GRM3: variants seen among roughly 807,000 people sequenced by gnomAD.
The protein encoded by GRM3 is metabotropic glutamate receptor 3.
GRM3 carries 26 observed loss-of-function variants against 70.5 expected under a neutral mutation model. That is an observed-to-expected ratio of 0.37 (90% confidence interval 0.27 to 0.51). The LOEUF (loss-of-function observed/expected upper bound fraction) is 0.51, where lower values mean the gene tolerates loss of function less well. Ranked by LOEUF, GRM3 falls within the 20% of genes least tolerant of loss-of-function variation. GRM3 has a pLI of 0.93. For synonymous variants in GRM3, 443 were observed against 434.9 expected (o/e 1.02, Z -0.23); for missense variants, 859 against 1,123.8 (o/e 0.76, Z 3.37).
At chr7:86,800,459 CGCCACTGATCCCACAGAAATACAA>C (rs1272972691) in intron 3 of GRM3, among the ~76,000 whole-genome samples, 1 of 152,086 alleles carries the variant, frequency 6.6e-6, no homozygotes, top group African/African-American at 2.4e-5. Context: ...AAAGGGATAT[CGCCACTGATCCCACAGAAATACAA>C]GCAACCATCA....
intron 1 of GRM3, among the ~76,000 whole-genome samples, chr7:86,693,801 A>G (rs974242955): frequency 1.3e-5 from 2 of 152,224 alleles, no homozygotes; most frequent in African/African-American, 4.8e-5. Context: ...TCTTTACAGA[A>G]TACTGTGTTA....
intron 2 of GRM3, among the ~76,000 whole-genome samples, chr7:86,777,022 C>T (rs1713618418): frequency 6.6e-6 from 1 of 152,090 alleles, no homozygotes; most frequent in Non-Finnish European, 1.5e-5. Context: ...CTTGTAAGTA[C>T]CTGCTAAATC....
intron 1 of GRM3, among the ~76,000 whole-genome samples, chr7:86,715,961 G>A (rs577654251): frequency 2.0e-5 from 3 of 152,098 alleles, no homozygotes; most frequent in Admixed American, 2.0e-4. Context: ...TTCATCTTTA[G>A]GAAAGAACTC....
At chr7:86,718,289 C>T (rs1486141064) in intron 1 of GRM3, among the ~76,000 whole-genome samples, 1 of 151,838 alleles carries the variant, frequency 6.6e-6, no homozygotes, top group African/African-American at 2.4e-5. Context: ...CTAGCCACCA[C>T]CTAAGATTTG....
At chr7:86,690,280 G>A (rs1018013821) in intron 1 of GRM3, among the ~76,000 whole-genome samples, 1 of 152,144 alleles carries the variant, frequency 6.6e-6, no homozygotes, top group Non-Finnish European at 1.5e-5. Flanking sequence ...AAAAGGAGTG[G>A]AACAGATGAA....
Position 86,786,842 on chromosome 7 carries a change from G to A in GRM3, c.1050G>A (p.Trp350Ter). The change falls in exon 3 of 6, where the codon TGG becomes TGA. Residue 350 changes from tryptophan to a stop codon, truncating the protein, a stop_gained. Coordinates refer to ENST00000361669, the MANE Select transcript of GRM3 (RefSeq NM_000840.3). LOFTEE classifies it high-confidence loss of function. The surrounding 1 kb of genome is among the most constrained non-coding windows in gnomAD (Gnocchi z 6.0). ...CCTACAACAACCACCGCAACCCCTG[G>A]TTCCGGGACTTCTGGGAGCAAAAGT... The part of the protein sequence containing the change: ...LNPYNNHRNP[W>*]FRDFWEQKFQ... The A allele has an allele frequency of 6.2e-7, 1 of 1,614,188 alleles. No homozygotes were observed. Among genetic ancestry groups the A allele is most frequent in the Non-Finnish European group, 8.5e-7 (1 of 1,180,034 alleles).
At chr7:86,690,365 GA>G (rs1794669330) in intron 1 of GRM3, among the ~76,000 whole-genome samples, 1 of 152,132 alleles carries the variant, frequency 6.6e-6, no homozygotes, top group South Asian at 2.1e-4. Context: ...GATGGCAGTT[GA>G]AATGTTCTAA....
At chr7:86,828,707 G>C (rs967911660) in intron 3 of GRM3, among the ~76,000 whole-genome samples, 1 of 152,126 alleles carries the variant, frequency 6.6e-6, no homozygotes, top group Non-Finnish European at 1.5e-5. Context: ...GACTGATTAG[G>C]GTGGTGGTTG....
At position 86,839,488 on chromosome 7, in the gene GRM3, C is replaced by G. The variant is rs765346337; in HGVS notation, c.1974C>G (p.Ala658=). 1.9e-6 allele frequency: 3 copies of G among 1,610,250 alleles called. No homozygotes were observed. In the South Asian group the frequency reaches 3.3e-5, roughly 18 times the overall value. The part of the protein sequence containing the change: ...LGSSFAICYS[A]LLTKTNCIAR... Reference sequence around the variant, plus strand: ...GTTCCTTCGCTATCTGTTACTCAGCCCTGCTGACCAAGACAAACTGCATTG... The same window carrying G: ...GTTCCTTCGCTATCTGTTACTCAGCGCTGCTGACCAAGACAAACTGCATTG... Residue 658 remains alanine, a synonymous_variant, in exon 4 of 6, where the codon GCC becomes GCG. Transcript: ENST00000361669. This position sits in a 1 kb window ranked among gnomAD's most constrained non-coding sequence, Gnocchi z 4.5.
chr7:86,826,888 G>C (rs1798246632), intron 3 of GRM3, among the ~76,000 whole-genome samples: 2 of 152,186 alleles, frequency 1.3e-5, no homozygotes, highest in African/African-American at 4.8e-5. Flanking sequence ...ATATGCAAGT[G>C]TCAAGGCCCT....
intron 1 of GRM3, among the ~76,000 whole-genome samples, chr7:86,713,831 T>A (rs1325053783): frequency 6.6e-6 from 1 of 151,904 alleles, no homozygotes; most frequent in African/African-American, 2.4e-5. Flanking sequence ...ACAATAAAAA[T>A]GGGGCTCACA....
chr7:86,756,208 AGC>A, intron 1 of GRM3, among the ~76,000 whole-genome samples: 1 of 152,210 alleles, frequency 6.6e-6, no homozygotes, highest in South Asian at 2.1e-4. Flanking sequence ...CCTCCCAAGT[AGC>A]TGGGATTACA....
chr7:86,774,794 AT>A (rs1035500618), intron 2 of GRM3, among the ~76,000 whole-genome samples: 5 of 152,168 alleles, frequency 3.3e-5, no homozygotes, highest in Admixed American at 6.6e-5. Flanking sequence ...AAACCAGGCA[AT>A]TAAGCTTTTC....
chr7:86,822,378 G>T (rs1296502892), intron 3 of GRM3, among the ~76,000 whole-genome samples: 1 of 152,094 alleles, frequency 6.6e-6, no homozygotes, highest in Non-Finnish European at 1.5e-5. Context: ...AAATGCCAGA[G>T]AAATGGAATG....
chr7:86,668,031 AC>A (rs1794073409), intron 1 of GRM3, among the ~76,000 whole-genome samples: 1 of 152,006 alleles, frequency 6.6e-6, no homozygotes, highest in Non-Finnish European at 1.5e-5. Flanking sequence ...TGCAAGTCTG[AC>A]CCCGTTTGGT....
chr7:86,833,187 A>G, intron 3 of GRM3: 2 of 768,274 alleles, frequency 2.6e-6, no homozygotes, highest in Non-Finnish European at 3.1e-6. Flanking sequence ...ACAGGTGGGA[A>G]TTGAACAATG....
At chr7:86,804,961 T>A (rs1402403863) in intron 3 of GRM3, among the ~76,000 whole-genome samples, 7 of 152,040 alleles carry the variant, frequency 4.6e-5, no homozygotes, top group Non-Finnish European at 8.8e-5. Flanking sequence ...ATTTTTTTTC[T>A]TAATTAACTG....
chr7:86,823,060 A>G (rs748821121), intron 3 of GRM3, among the ~76,000 whole-genome samples: 2 of 152,162 alleles, frequency 1.3e-5, no homozygotes, highest in African/African-American at 2.4e-5. Flanking sequence ...GGTACCTTAG[A>G]CGTTTTTAGA....
intron 1 of GRM3, among the ~76,000 whole-genome samples, chr7:86,725,445 T>C (rs951547071): frequency 2.0e-5 from 3 of 152,084 alleles, no homozygotes; most frequent in African/African-American, 7.2e-5. Context: ...AGCAGGAGTA[T>C]GACAATGACA....
Sources: gnomAD v4.1 joint callset for allele counts (sites outside exome capture counted in the v4.1 genomes callset) on GRCh38, gnomAD v4.1.1 for gene constraint, Gnocchi (gnomAD v3.1) non-coding constraint, MANE v1.5 for transcripts, NCBI Gene and HGNC (gene_info 2026-07-23, HGNC 2026-07-21) for gene names.